Variants in METTL16 observed in about 807,000 individuals in gnomAD.
The protein encoded by METTL16 is methyltransferase 16, RNA N6-adenosine.
A neutral mutation model predicts 57.9 loss-of-function variants in METTL16; 19 were observed. The ratio of observed to expected loss-of-function variants is 0.33; its 90% CI spans 0.23 to 0.48. The LOEUF (loss-of-function observed/expected upper bound fraction) is 0.48. Ranked by LOEUF, METTL16 falls within the 20% of genes least tolerant of loss-of-function variation. The pLI is 0.99. For missense variants in METTL16, 434 were observed against 691.5 expected (o/e 0.63, Z 4.18); for synonymous variants, 246 against 255.6 (o/e 0.96, Z 0.36).
intron 6 of METTL16, among the ~76,000 whole-genome samples, chr17:2,443,632 G>A (rs540558906): frequency 7.1e-4 from 108 of 151,610 alleles, no homozygotes; most frequent in African/African-American, 2.4e-3. Flanking sequence ...GACTACAGGC[G>A]CCCACCACGA....
intron 4 of METTL16, among the ~76,000 whole-genome samples, chr17:2,472,022 G>A (rs1318039435): frequency 6.6e-6 from 1 of 151,722 alleles, no homozygotes; most frequent in African/African-American, 2.4e-5. Flanking sequence ...GCTGAAGCAG[G>A]AGAATTGCTT....
intron 1 of METTL16, among the ~76,000 whole-genome samples, chr17:2,510,817 T>C (rs2067581950): frequency 6.6e-6 from 1 of 152,114 alleles, no homozygotes; most frequent in South Asian, 2.1e-4. Context: ...TACAGAGCAC[T>C]GCACCTGGTT....
At position 2,420,078 on chromosome 17, in the gene METTL16, G is replaced by C. The variant is rs372763290; in HGVS notation, c.1581C>G (p.Asp527Glu). Residue 527 changes from aspartate (D) to glutamate (E), a missense_variant, in exon 10 of 10, where the codon GAC becomes GAG. Physicochemically the swap from Asp to Glu is conservative, Grantham distance 45. Coordinates refer to ENST00000263092, the MANE Select transcript of METTL16 (RefSeq NM_024086.4). This position sits in a 1 kb window ranked among gnomAD's most constrained non-coding sequence, Gnocchi z 5.4. ...CCCAGTGCATCTCCACTAAGGCATCGTCCACCTCCTTCTTAACGTTTATCA... is the reference window on the plus strand; with the variant it reads ...CCCAGTGCATCTCCACTAAGGCATCCTCCACCTCCTTCTTAACGTTTATCA... ...KCLINVKKEVDDALVEMHWVE... is the reference protein window; with the variant it reads ...KCLINVKKEVEDALVEMHWVE... 1 of 1,614,138 alleles carries C rather than the reference G, an allele frequency of 6.2e-7. No homozygotes were observed.
chr17:2,428,981 C>T (rs1350877286), intron 8 of METTL16, among the ~76,000 whole-genome samples: 1 of 152,036 alleles, frequency 6.6e-6, no homozygotes, highest in Non-Finnish European at 1.5e-5. Context: ...GCCTCAGCCT[C>T]CCGAGTAGCT....
chr17:2,483,033 AAGC>A (rs1365956230), intron 2 of METTL16, among the ~76,000 whole-genome samples: 2 of 151,992 alleles, frequency 1.3e-5, no homozygotes, highest in Non-Finnish European at 2.9e-5. Flanking sequence ...TAAAAAAAAA[AAGC>A]AGCAAGAACA....
chr17:2,429,967 T>C (rs150399726), intron 8 of METTL16, among the ~76,000 whole-genome samples: 9,831 of 140,284 alleles, frequency 0.07, 509 homozygotes, highest in Non-Finnish European at 0.1. Context: ...CCCGCCACCA[T>C]GCCCGGCTAA....
At chr17:2,441,434 G>T in intron 7 of METTL16, 56 bp downstream of exon 7, 2 of 1,282,096 alleles carry the variant, frequency 1.6e-6, no homozygotes, top group Non-Finnish European at 2.2e-6. Flanking sequence ...CTGTACTTGT[G>T]CCCCATGGAT....
chr17:2,453,194 G>A (rs552120253), intron 6 of METTL16, among the ~76,000 whole-genome samples: 4 of 152,124 alleles, frequency 2.6e-5, no homozygotes, highest in African/African-American at 9.6e-5. Flanking sequence ...AACCACAGAG[G>A]AATTATCAAA....
chr17:2,432,645 C>T (rs186549978), intron 8 of METTL16, among the ~76,000 whole-genome samples: 19 of 147,348 alleles, frequency 1.3e-4, no homozygotes, highest in African/African-American at 4.2e-4. Flanking sequence ...TGAGTTTTCA[C>T]AAAAAAAAAA....
chr17:2,484,608 C>T (rs2067328654), intron 2 of METTL16, among the ~76,000 whole-genome samples: 1 of 152,072 alleles, frequency 6.6e-6, no homozygotes, highest in African/African-American at 2.4e-5. Context: ...GACTCTTCTG[C>T]CTCAACCTCC....
chr17:2,423,752 CAGTAA>C (rs1160286286), intron 8 of METTL16, among the ~76,000 whole-genome samples: 1 of 152,164 alleles, frequency 6.6e-6, no homozygotes, highest in Non-Finnish European at 1.5e-5. Flanking sequence ...AAATTCTGAC[CAGTAA>C]AGTCAGGATA....
At chr17:2,472,275 G>A (rs1418404107) in intron 4 of METTL16, among the ~76,000 whole-genome samples, 1 of 152,086 alleles carries the variant, frequency 6.6e-6, no homozygotes, top group Non-Finnish European at 1.5e-5. Flanking sequence ...CCAAAATCCA[G>A]AACACCGACA....
At chr17:2,471,282 G>A (rs2067232865) in intron 4 of METTL16, among the ~76,000 whole-genome samples, 1 of 152,096 alleles carries the variant, frequency 6.6e-6, no homozygotes, top group Non-Finnish European at 1.5e-5. Context: ...AGTGATTCTT[G>A]TTCCTCAGCC....
At chr17:2,455,614 C>A (rs2067104449) in intron 6 of METTL16, among the ~76,000 whole-genome samples, 1 of 152,074 alleles carries the variant, frequency 6.6e-6, no homozygotes, top group South Asian at 2.1e-4. Flanking sequence ...CCATATCAAT[C>A]CTGAAAGGGA....
At chr17:2,507,942 A>T (rs2067559301) in intron 1 of METTL16, among the ~76,000 whole-genome samples, 1 of 152,146 alleles carries the variant, frequency 6.6e-6, no homozygotes. Context: ...GCTCCTTAAG[A>T]GTCATCACCA....
intron 1 of METTL16, among the ~76,000 whole-genome samples, chr17:2,506,312 G>T (rs942373901): frequency 7.5e-6 from 1 of 133,868 alleles, no homozygotes; most frequent in Admixed American, 8.3e-5. Context: ...TCCCCCTCTT[G>T]CCACGGTCTC....
chr17:2,448,789 T>TTAAAAAAAAAAAAAAAAAAAAAA (rs2067041597), intron 6 of METTL16, among the ~76,000 whole-genome samples: 1 of 47,734 alleles, frequency 2.1e-5, no homozygotes, highest in Non-Finnish European at 5.3e-5. Flanking sequence ...AATAAAAAAA[T>TTAAAAAAAAAAAAAAAAAAAAAA]AAAAATAAAA....
intron 6 of METTL16, among the ~76,000 whole-genome samples, chr17:2,459,401 ACTG>A (rs2067132962): frequency 6.6e-6 from 1 of 152,220 alleles, no homozygotes; most frequent in Non-Finnish European, 1.5e-5. Flanking sequence ...AAAACTGTTA[ACTG>A]CTGCTGAGCA....
chr17:2,484,322 A>G (rs563796152), intron 2 of METTL16, among the ~76,000 whole-genome samples: 3 of 152,230 alleles, frequency 2.0e-5, no homozygotes, highest in African/African-American at 7.2e-5. Flanking sequence ...AACACATTAA[A>G]AAGTCAATTA....
Sources: gnomAD v4.1 joint callset for allele counts (sites outside exome capture counted in the v4.1 genomes callset) on GRCh38, gnomAD v4.1.1 for gene constraint, Gnocchi (gnomAD v3.1) non-coding constraint, MANE v1.5 for transcripts, NCBI Gene and HGNC (gene_info 2026-07-23, HGNC 2026-07-21) for gene names.